TLE4: variants seen among roughly 807,000 people sequenced by gnomAD.
The protein encoded by TLE4 is TLE family member 4, transcriptional corepressor, also known as transducin-like enhancer protein 4.
In TLE4, 8 loss-of-function variants were observed where a neutral mutation model predicts 92.8. The observed-to-expected ratio is 0.09, with a 90% CI of 0.05 to 0.16. TLE4 has a LOEUF of 0.16. Among genes scored for constraint, TLE4 ranks in the 10% least tolerant of loss-of-function variants. The pLI is 1.00. For missense variants in TLE4, 675 were observed against 997.6 expected (o/e 0.68, Z 4.36); for synonymous variants, 371 against 374.1 (o/e 0.99, Z 0.10).
Position 79,719,758 on chromosome 9 carries a change from A to C in TLE4, c.1591-288A>C, listed in dbSNP as rs556400638. ...GTGTACGTGTGTATCTGTGTGTGCAAATGATGCAAGCAGTTGGTTAATTTG... is the reference window on the plus strand; with the variant it reads ...GTGTACGTGTGTATCTGTGTGTGCACATGATGCAAGCAGTTGGTTAATTTG... On this transcript the variant is annotated intron_variant, in intron 15 of 19. Transcript: ENST00000376552. Among the ~76,000 whole-genome samples the C allele has an allele frequency of 4.6e-5, 7 of 152,242 alleles. No individual in the cohort carries two copies. The South Asian group carries it at 1.5e-3, about 32-fold the overall frequency.
chr9:79,703,292 G>A (rs2070487954), intron 8 of TLE4, among the ~76,000 whole-genome samples: 1 of 152,102 alleles, frequency 6.6e-6, no homozygotes, highest in Non-Finnish European at 1.5e-5. Flanking sequence ...TGGGAGCCCT[G>A]CCCTGGTGCC....
At position 79,720,058 on chromosome 9, in the gene TLE4, T is replaced by C. The variant is rs1408458678; in HGVS notation, c.1603T>C (p.Tyr535His). 6.2e-7 allele frequency: 1 copy of C among 1,611,696 alleles called. No homozygotes were observed. The highest frequency in any genetic ancestry group is 8.5e-7 in the Non-Finnish European group (1 of 1,177,946). ...TTTGTCTCTACAGAACAGGGATAAC[T>C]ACATCCGTTCCTGCAGATTGCTCCC... ...SQLDCLNRDN[Y>H]IRSCRLLPDG... Residue 535 changes from tyrosine to histidine, a missense_variant, in exon 16 of 20, where the codon TAC (tyrosine) becomes CAC (histidine). By Grantham distance (83) the Tyr-to-His change is moderately conservative. Coordinates refer to ENST00000376552, the MANE Select transcript of TLE4 (RefSeq NM_007005.6).
chr9:79,695,210 G>A (rs1381517835), intron 8 of TLE4, among the ~76,000 whole-genome samples: 2 of 152,132 alleles, frequency 1.3e-5, no homozygotes, highest in Non-Finnish European at 1.5e-5. Context: ...CTTGATTGGT[G>A]AGGAGAGCAG....
At chr9:79,635,791 C>A (rs112322099) in intron 6 of TLE4, among the ~76,000 whole-genome samples, 4,870 of 152,204 alleles carry the variant, frequency 0.032, 120 homozygotes, top group Non-Finnish European at 0.05. Context: ...TATTGATGTT[C>A]TCCATTCCGT....
At chr9:79,643,808 T>C (rs1158292602) in intron 6 of TLE4, among the ~76,000 whole-genome samples, 3 of 152,192 alleles carry the variant, frequency 2.0e-5, no homozygotes, top group Admixed American at 6.5e-5. Context: ...GATGGTTGAG[T>C]CTGTCTTGCA....
chr9:79,643,198 C>T (rs1438382842), intron 6 of TLE4, among the ~76,000 whole-genome samples: 1 of 152,160 alleles, frequency 6.6e-6, no homozygotes, highest in African/African-American at 2.4e-5. Flanking sequence ...TACCGGTTAA[C>T]GTATCGTCAC....
chr9:79,702,681 GTATTCA>G (rs773572226), intron 8 of TLE4, among the ~76,000 whole-genome samples: 5 of 152,196 alleles, frequency 3.3e-5, no homozygotes, highest in Non-Finnish European at 7.3e-5. Context: ...TAGGGCTAGA[GTATTCA>G]TATAAAACCT....
At chr9:79,655,284 A>G (rs538411911) in intron 8 of TLE4, among the ~76,000 whole-genome samples, 105 of 152,326 alleles carry the variant, frequency 6.9e-4, no homozygotes, top group African/African-American at 2.1e-3. Context: ...AATGCTGTCT[A>G]TTTCTTTATA....
intron 6 of TLE4, among the ~76,000 whole-genome samples, chr9:79,636,247 C>T: frequency 6.6e-6 from 1 of 151,990 alleles, no homozygotes; most frequent in East Asian, 1.9e-4. Flanking sequence ...CACTTGAGCG[C>T]AAGAGTTCAA....
At chr9:79,616,648 G>A (rs1343897412) in intron 5 of TLE4, among the ~76,000 whole-genome samples, 2 of 152,142 alleles carry the variant, frequency 1.3e-5, no homozygotes, top group African/African-American at 4.8e-5. Context: ...GCAATTTTGG[G>A]ATATGGCTTA....
chr9:79,639,676 A>G (rs1196599464), intron 6 of TLE4, among the ~76,000 whole-genome samples: 1 of 152,150 alleles, frequency 6.6e-6, no homozygotes, highest in Non-Finnish European at 1.5e-5. Context: ...AGATACACAA[A>G]TACCATTTTG....
At chr9:79,684,016 G>C (rs1370522105) in intron 8 of TLE4, among the ~76,000 whole-genome samples, 2 of 152,164 alleles carry the variant, frequency 1.3e-5, no homozygotes, top group African/African-American at 2.4e-5. Context: ...CAAAAGGAAT[G>C]AGGTTGCTTT....
intron 4 of TLE4, among the ~76,000 whole-genome samples, chr9:79,584,433 A>G (rs1056503013): frequency 6.6e-6 from 1 of 152,206 alleles, no homozygotes; most frequent in South Asian, 2.1e-4. Context: ...AAAACTGGCT[A>G]TCTGGCATTC....
At position 79,718,781 on chromosome 9, in the gene TLE4, A is replaced by G; in HGVS notation, c.1400A>G (p.Asp467Gly). 6.2e-7 allele frequency: 1 copy of G among 1,613,936 alleles called. No individual in the cohort carries two copies. The highest frequency in any genetic ancestry group is 8.5e-7 in the Non-Finnish European group (1 of 1,179,992). Residue 467 changes from aspartate (D) to glycine (G), a missense_variant, in exon 15 of 20, where the codon GAC becomes GGC. Physicochemically the swap from Asp to Gly is moderately conservative, Grantham distance 94. This residue lies in a region of TLE4 where 119 missense variants were observed against 175.9 expected (regional missense o/e 0.68). Transcript: ENST00000376552. ...ATGCAGCCTGTCCCTTTTCCACCCG[A>G]CGCCCTCATCGGACCTGGAATCCCC... is the stretch of plus-strand genomic sequence containing the variant. The part of the protein sequence containing the change: ...GQMQPVPFPP[D>G]ALIGPGIPRH...
chr9:79,705,745 A>T, intron 9 of TLE4, 144 bp from the exon 10 acceptor site: 2 of 844,804 alleles, frequency 2.4e-6, no homozygotes, highest in South Asian at 3.0e-5. Flanking sequence ...TGAGGATTAA[A>T]GAAAATAGGA....
At chr9:79,676,091 G>A (rs2063208804) in intron 8 of TLE4, among the ~76,000 whole-genome samples, 1 of 152,194 alleles carries the variant, frequency 6.6e-6, no homozygotes, top group Admixed American at 6.5e-5. Context: ...TGCCCTGGTA[G>A]AGTGACAATA....
chr9:79,643,733 G>A (rs2057593448), intron 6 of TLE4, among the ~76,000 whole-genome samples: 1 of 152,120 alleles, frequency 6.6e-6, no homozygotes, highest in Admixed American at 6.5e-5. Flanking sequence ...TGATCCATGG[G>A]GTGATACCTG....
At chr9:79,723,342 TC>T in intron 19 of TLE4, among the ~76,000 whole-genome samples, 1 of 149,914 alleles carries the variant, frequency 6.7e-6, no homozygotes, top group Non-Finnish European at 1.5e-5. Flanking sequence ...TACATGTATG[TC>T]TTTTGTAATT....
intron 5 of TLE4, 27 bp from the exon 6 acceptor site, chr9:79,627,347 T>C: frequency 6.2e-7 from 1 of 1,612,466 alleles, no homozygotes; most frequent in Non-Finnish European, 8.5e-7. Flanking sequence ...CAAATAATTG[T>C]ATTCTGTTTC....
Sources: gnomAD v4.1 joint callset for allele counts (sites outside exome capture counted in the v4.1 genomes callset) on GRCh38, gnomAD v4.1.1 for gene constraint, gnomAD v4.1.1 regional missense constraint, MANE v1.5 for transcripts, NCBI Gene and HGNC (gene_info 2026-07-23, HGNC 2026-07-21) for gene names.